Variants in MCM10 observed in about 807,000 individuals in gnomAD.
MCM10 encodes the protein minichromosome maintenance 10 replication initiation factor.
A neutral mutation model predicts 109.9 loss-of-function variants in MCM10; 91 were observed. That is an observed-to-expected ratio of 0.83 (90% CI 0.70 to 0.99). The LOEUF (loss-of-function observed/expected upper bound fraction) is 0.99. MCM10 is among the 50% of genes least tolerant of loss of function. The pLI, the probability that MCM10 is intolerant of heterozygous loss-of-function variation, is 0.00. For missense variants in MCM10, 1,077 were observed against 1,061.2 expected, an observed-to-expected ratio of 1.01 and a Z score of -0.21; for synonymous variants, 380 against 387.2, an observed-to-expected ratio of 0.98 and a Z score of 0.22.
At chr10:13,195,383 A>ATT in intron 14 of MCM10, 114 bp downstream of exon 14, 2 of 770,450 alleles carry the variant, frequency 2.6e-6, no homozygotes, top group Non-Finnish European at 4.1e-6. Context: ...AGTCAGTGTA[A>ATT]TTTGAAAACA....
At position 13,172,582 on chromosome 10, in the gene MCM10, T is replaced by G. The variant is rs945596406; in HGVS notation, c.455-46T>G. 6.2e-7 allele frequency: 1 copy of G among 1,611,598 alleles called. No homozygotes were observed. Among genetic ancestry groups the G allele is most frequent in the African/African-American group, 1.3e-5 (1 of 74,876 alleles). On this transcript the variant is annotated intron_variant, in intron 4 of 19. Coordinates refer to ENST00000378714, the MANE Select transcript of MCM10 (RefSeq NM_018518.5). This position sits in a 1 kb window ranked among gnomAD's most constrained non-coding sequence, Gnocchi z 5.2. ...CTGTCCAAACAGCCCTTTGAACCTC[T>G]TTCTGAATGGGTTTTTACTCACTTA...
At position 13,209,439 on chromosome 10, in the gene MCM10, A is replaced by C; in HGVS notation, c.*129A>C. 1.4e-6 allele frequency: 1 copy of C among 721,592 alleles called. No homozygotes were observed. The allele number at this position is 721,592 out of a possible 1,614,324, so 44.7% of individuals were successfully genotyped here. On this transcript the variant is annotated 3_prime_UTR_variant, in exon 20 of 20. Coordinates refer to ENST00000378714, the MANE Select transcript of MCM10 (RefSeq NM_018518.5). ...AAAACAAATGCTTGTTAAGCCCATA[A>C]GCTTTGCCTGCTTACTTTCTGCCAT...
intron 8 of MCM10, 81 bp from the exon 9 acceptor site, chr10:13,186,083 C>A: frequency 1.3e-6 from 1 of 792,802 alleles, no homozygotes. Context: ...AAATCAGCAC[C>A]AACCATTCTT....
At chr10:13,205,108 T>C (rs1245909955) in intron 18 of MCM10, among the ~76,000 whole-genome samples, 1 of 147,758 alleles carries the variant, frequency 6.8e-6, no homozygotes, top group Non-Finnish European at 1.5e-5. Context: ...GGATAGTTTG[T>C]GTAATAGTAA....
At chr10:13,199,609 T>G (rs1054037904) in intron 16 of MCM10, among the ~76,000 whole-genome samples, 1 of 152,108 alleles carries the variant, frequency 6.6e-6, no homozygotes, top group Non-Finnish European at 1.5e-5. Flanking sequence ...CCTATACTAG[T>G]CATTTCGAAA....
intron 3 of MCM10, among the ~76,000 whole-genome samples, chr10:13,171,697 C>G (rs560498767): frequency 4.9e-4 from 74 of 152,150 alleles, no homozygotes; most frequent in African/African-American, 1.7e-3. Flanking sequence ...CAATGGTTAG[C>G]TGTTTCTTCT....
At chr10:13,198,403 T>C (rs1253727700) in intron 15 of MCM10, among the ~76,000 whole-genome samples, 1 of 152,202 alleles carries the variant, frequency 6.6e-6, no homozygotes, top group East Asian at 1.9e-4. Context: ...TTAACATAAT[T>C]GTCAACATTA....
chr10:13,202,421 T>C (rs570842782), intron 17 of MCM10, among the ~76,000 whole-genome samples: 1 of 152,296 alleles, frequency 6.6e-6, no homozygotes, highest in Admixed American at 6.5e-5. Flanking sequence ...TTACCATTTG[T>C]TCCCACTATC....
At chr10:13,206,806 T>C (rs564084135) in intron 18 of MCM10, among the ~76,000 whole-genome samples, 4 of 151,444 alleles carry the variant, frequency 2.6e-5, no homozygotes, top group East Asian at 1.9e-4. Flanking sequence ...TGCTTTTTTT[T>C]TTTTCCTTCT....
Position 13,201,548 on chromosome 10 carries a change from G to A in MCM10, c.2352+14G>A, listed in dbSNP as rs748840557. 5 of 1,586,662 alleles carry A rather than the reference G, an allele frequency of 3.2e-6. No individual in the cohort carries two copies. The South Asian group carries it at 5.7e-5, about 18-fold the overall frequency. On this transcript the variant is annotated intron_variant, in intron 17 of 19. Coordinates refer to ENST00000378714, the MANE Select transcript of MCM10 (RefSeq NM_018518.5). The stretch of plus-strand genomic sequence containing the variant: ...ACATGCAAGACGGTGGGTGAAGGTG[G>A]GGGCTGCAGCAACCCATGGGCCCTG...
rs183459739 is a variant in MCM10 at position 13,181,851 on chromosome 10, G to A, written c.931-1082G>A. Among the ~76,000 whole-genome samples the A allele has an allele frequency of 2.6e-5, 4 of 152,264 alleles. No individual in the cohort carries two copies. The East Asian group carries it at 7.7e-4, about 29-fold the overall frequency. Reference sequence around the variant, plus strand: ...AATTTATCTGAACTCTTCCAAGACAGGCACTGCACAAATCCCTGGAAGATG... The same window carrying A: ...AATTTATCTGAACTCTTCCAAGACAAGCACTGCACAAATCCCTGGAAGATG... On this transcript the variant is annotated intron_variant, in intron 7 of 19. Coordinates refer to ENST00000378714, the MANE Select transcript of MCM10 (RefSeq NM_018518.5).
chr10:13,185,092 C>A (rs1834257446), intron 8 of MCM10, among the ~76,000 whole-genome samples: 1 of 152,158 alleles, frequency 6.6e-6, no homozygotes, highest in African/African-American at 2.4e-5. Flanking sequence ...GCACCTTAGG[C>A]AGCGAGACTC....
intron 9 of MCM10, among the ~76,000 whole-genome samples, chr10:13,188,662 G>A (rs1834305471): frequency 6.6e-6 from 1 of 152,332 alleles, no homozygotes; most frequent in South Asian, 2.1e-4. Flanking sequence ...AGGGCAAGGG[G>A]TATTTCACCA....
In MCM10 at chr10:13,172,399, C is replaced by T; in HGVS notation, c.373C>T (p.Gln125Ter). 6.2e-7 allele frequency: 1 copy of T among 1,613,408 alleles called. No homozygotes were observed. Among genetic ancestry groups the T allele is most frequent in the Non-Finnish European group, 8.5e-7 (1 of 1,179,708 alleles). Residue 125 changes from glutamine (Q) to a stop codon, truncating the protein, a stop_gained, in exon 4 of 20, where the codon CAA becomes TAA. Transcript: ENST00000378714. LOFTEE classifies it high-confidence loss of function. The surrounding 1 kb of genome is among the most constrained non-coding windows in gnomAD (Gnocchi z 5.2). Reference protein sequence around the residue: ...LQEELRNLQEQMKALQEQLKV... With the variant: ...LQEELRNLQE ...AGAGGAATTAAGGAATTTGCAAGAG[C>T]AAATGAAGGCCTTACAAGAGCAGCT...
In MCM10 at chr10:13,188,934, C is replaced by T. The variant is rs7904071; in HGVS notation, c.1269C>T (p.Ser423=). 0.14 allele frequency: 219,510 copies of T among 1,614,072 alleles called. 17,706 individuals carry two copies. The highest frequency in any genetic ancestry group is 0.16 in the Non-Finnish European group (189,299 of 1,179,934). Residue 423 remains serine (S), a synonymous_variant, in exon 10 of 20, where the codon AGC becomes AGT. Coordinates refer to ENST00000378714, the MANE Select transcript of MCM10 (RefSeq NM_018518.5). ...TCCAGGCTCAGTACAAGAAGCTCAG[C>T]GCAAAGCGTGCGGATCTGCAGTCCA... ...YHVQAQYKKL[S]AKRADLQSTF...
intron 2 of MCM10, among the ~76,000 whole-genome samples, chr10:13,169,616 C>G (rs1054094599): frequency 6.6e-6 from 1 of 152,150 alleles, no homozygotes; most frequent in Non-Finnish European, 1.5e-5. Context: ...CCATATTGTC[C>G]TTTATTGGAA....
chr10:13,209,819 A>C lies in MCM10; in HGVS notation c.*509A>C, dbSNP rs1400283689. 6.4e-6 allele frequency: 1 copy of C among 155,588 alleles called. No homozygotes were observed. Among genetic ancestry groups the C allele is most frequent in the African/African-American group, 2.4e-5 (1 of 41,474 alleles). The allele number at this position is 155,588 out of a possible 1,614,324, so 9.6% of individuals were successfully genotyped here. The stretch of plus-strand genomic sequence containing the variant: ...TATTTTTTAGCACTGGATTTCTACA[A>C]ATAATAAAACTTTCCCATCTAGATA... On this transcript the variant is annotated 3_prime_UTR_variant, in exon 20 of 20. Coordinates refer to ENST00000378714, the MANE Select transcript of MCM10 (RefSeq NM_018518.5).
intron 15 of MCM10, 139 bp downstream of exon 15, chr10:13,197,906 G>C: frequency 1.2e-6 from 1 of 822,772 alleles, no homozygotes; most frequent in Non-Finnish European, 1.7e-6. Flanking sequence ...GAATTTCTAT[G>C]GGTGGAACTG....
chr10:13,175,462 G>A (rs372911193), intron 5 of MCM10, 48 bp from the exon 6 acceptor site: 16 of 1,507,420 alleles, frequency 1.1e-5, no homozygotes, highest in Middle Eastern at 3.4e-4. Flanking sequence ...AATTCCGTTC[G>A]TGATTATCAG....
Sources: gnomAD v4.1 joint callset for allele counts (sites outside exome capture counted in the v4.1 genomes callset) on GRCh38, gnomAD v4.1.1 for gene constraint, Gnocchi (gnomAD v3.1) non-coding constraint, MANE v1.5 for transcripts, NCBI Gene and HGNC (gene_info 2026-07-23, HGNC 2026-07-21) for gene names.